Variants in CNTN4 observed in about 807,000 individuals in gnomAD.
CNTN4 encodes contactin 4, also known as contactin-4.
A neutral mutation model predicts 122.5 loss-of-function variants in CNTN4; 77 were observed. That is an observed-to-expected ratio of 0.63 (90% CI 0.52 to 0.76). CNTN4 has a LOEUF of 0.76. CNTN4 is among the 30% of genes least tolerant of loss of function. CNTN4 has a pLI of 0.00. For missense variants in CNTN4, 1,256 were observed against 1,259.1 expected (o/e 1.00, Z 0.04); for synonymous variants, 512 against 447.0 (o/e 1.15, Z -1.83).
intron 12 of CNTN4, among the ~76,000 whole-genome samples, chr3:2,920,853 G>A (rs1019136001): frequency 6.6e-6 from 1 of 152,110 alleles, no homozygotes; most frequent in African/African-American, 2.4e-5. Context: ...CCCAAGAGCT[G>A]CCCGTGGAAG....
chr3:2,956,497 A>G (rs561046885), intron 13 of CNTN4, among the ~76,000 whole-genome samples: 122 of 152,298 alleles, frequency 8.0e-4, no homozygotes, highest in African/African-American at 2.8e-3. Flanking sequence ...AAAATAGGCA[A>G]AGACAAAAAT....
intron 23 of CNTN4, among the ~76,000 whole-genome samples, chr3:3,044,785 C>T (rs113942512): frequency 6.6e-5 from 10 of 152,262 alleles, no homozygotes; most frequent in South Asian, 6.2e-4. Flanking sequence ...GGAAGTGCAC[C>T]GAGCATAAGC....
chr3:2,342,787 TC>T (rs1158639735), intron 3 of CNTN4, among the ~76,000 whole-genome samples: 1 of 152,212 alleles, frequency 6.6e-6, no homozygotes, highest in Admixed American at 6.5e-5. Context: ...TAAACCTCTT[TC>T]CTTTATAAAT....
intron 4 of CNTN4, among the ~76,000 whole-genome samples, chr3:2,684,998 C>G (rs2085357800): frequency 6.6e-6 from 1 of 152,160 alleles, no homozygotes; most frequent in South Asian, 2.1e-4. Flanking sequence ...AGATTACATT[C>G]TTGTGAAATG....
At chr3:2,231,405 C>G (rs2039484223) in intron 2 of CNTN4, among the ~76,000 whole-genome samples, 1 of 152,160 alleles carries the variant, frequency 6.6e-6, no homozygotes, top group Non-Finnish European at 1.5e-5. Context: ...TTCAGATGAT[C>G]TCCTTTTTGT....
chr3:2,208,290 C>T (rs1264181437), intron 2 of CNTN4, among the ~76,000 whole-genome samples: 1 of 152,004 alleles, frequency 6.6e-6, no homozygotes. Context: ...TTATTCTGAC[C>T]GTCGTGGATG....
intron 3 of CNTN4, among the ~76,000 whole-genome samples, chr3:2,448,872 A>T (rs1251032769): frequency 6.6e-6 from 1 of 152,208 alleles, no homozygotes; most frequent in Non-Finnish European, 1.5e-5. Context: ...CATCGTGTGA[A>T]TGATGAGGTA....
At chr3:2,394,105 G>A (rs995463206) in intron 3 of CNTN4, among the ~76,000 whole-genome samples, 9 of 151,866 alleles carry the variant, frequency 5.9e-5, no homozygotes, top group Admixed American at 3.3e-4. Flanking sequence ...ATCAATGAAA[G>A]CTAAATTTTA....
intron 6 of CNTN4, among the ~76,000 whole-genome samples, chr3:2,809,918 A>G (rs1021085262): frequency 6.6e-6 from 1 of 152,208 alleles, no homozygotes; most frequent in Non-Finnish European, 1.5e-5. Context: ...AAAGGAAAGA[A>G]CTAAAATGAG....
intron 14 of CNTN4, among the ~76,000 whole-genome samples, chr3:3,020,504 T>C (rs144677109): frequency 2.6e-5 from 4 of 152,266 alleles, no homozygotes; most frequent in East Asian, 1.9e-4. Flanking sequence ...CTCGGATTCA[T>C]AGGCTCTTCA....
intron 13 of CNTN4, among the ~76,000 whole-genome samples, chr3:2,958,572 A>G (rs13090482): frequency 6.6e-6 from 1 of 152,170 alleles, no homozygotes; most frequent in East Asian, 1.9e-4. Flanking sequence ...TAAAAATAAG[A>G]CAGATAAGTT....
intron 7 of CNTN4, among the ~76,000 whole-genome samples, chr3:2,853,130 G>A (rs146284139): frequency 6.6e-6 from 1 of 151,932 alleles, no homozygotes; most frequent in East Asian, 1.9e-4. Context: ...GAAATGACAA[G>A]GGTTTATATT....
chr3:2,793,647 A>G (rs1045642883), intron 6 of CNTN4, among the ~76,000 whole-genome samples: 3 of 152,136 alleles, frequency 2.0e-5, no homozygotes, highest in Non-Finnish European at 4.4e-5. Context: ...TCGAAAAATG[A>G]TTTGTTTCAA....
At chr3:2,373,314 T>G (rs986901998) in intron 3 of CNTN4, among the ~76,000 whole-genome samples, 4 of 152,170 alleles carry the variant, frequency 2.6e-5, no homozygotes, top group Non-Finnish European at 4.4e-5. Context: ...GACCTAGAGA[T>G]TAATGAAATA....
In CNTN4 at chr3:3,042,216, T is replaced by A. The variant is rs1018281807; in HGVS notation, c.2399-94T>A. Reference sequence around the variant, plus strand: ...CTTACAATCATTAAGGACGATTCTATAACCATGAATTATTTTACCTTATAA... The same window carrying A: ...CTTACAATCATTAAGGACGATTCTAAAACCATGAATTATTTTACCTTATAA... On this transcript the variant is annotated intron_variant, in intron 20 of 24. Transcript: ENST00000418658. The A allele has an allele frequency of 4.2e-6, 4 of 941,176 alleles. No individual in the cohort carries two copies. The African/African-American group carries it at 6.5e-5, about 15-fold the overall frequency. 58.3% of individuals were successfully genotyped at this position (941,176 alleles called of 1,614,324 possible).
In CNTN4 at chr3:2,184,348, T is replaced by C. The variant is rs115586363; in HGVS notation, c.-145+83709T>C. ...GGATGAAGGAGGACTTTTAGAACAC[T>C]AGAAATGACAGCCCAAAGAGACAGA... On this transcript the variant is annotated intron_variant, in intron 2 of 24. Transcript: ENST00000418658. Among the ~76,000 whole-genome samples, 387 of 152,038 alleles carry C rather than the reference T, an allele frequency of 2.5e-3. 3 individuals carry two copies. Among genetic ancestry groups the C allele is most frequent in the African/African-American group, 8.9e-3 (370 of 41,480 alleles).
At chr3:2,853,490 ACCT>A (rs1186444572) in intron 7 of CNTN4, among the ~76,000 whole-genome samples, 1 of 151,988 alleles carries the variant, frequency 6.6e-6, no homozygotes, top group Non-Finnish European at 1.5e-5. Flanking sequence ...TGATCTGCCC[ACCT>A]CAGCCTCCCA....
intron 3 of CNTN4, among the ~76,000 whole-genome samples, chr3:2,340,913 C>G (rs2044186465): frequency 6.6e-6 from 1 of 151,884 alleles, no homozygotes; most frequent in Non-Finnish European, 1.5e-5. Flanking sequence ...CTTGGGTCTT[C>G]TGATCTGGAA....
At chr3:2,661,760 C>T (rs2083906632) in intron 4 of CNTN4, among the ~76,000 whole-genome samples, 1 of 136,572 alleles carries the variant, frequency 7.3e-6, no homozygotes, top group Non-Finnish European at 1.5e-5. Flanking sequence ...TGCGGTGAAC[C>T]GAGACGCCAT....
Sources: gnomAD v4.1 joint callset for allele counts (sites outside exome capture counted in the v4.1 genomes callset) on GRCh38, gnomAD v4.1.1 for gene constraint, MANE v1.5 for transcripts, NCBI Gene and HGNC (gene_info 2026-07-23, HGNC 2026-07-21) for gene names.